Variants in ZC3H3 observed in about 807,000 individuals in gnomAD.
The protein encoded by ZC3H3 is zinc finger CCCH-type containing 3.
A neutral mutation model predicts 77.3 loss-of-function variants in ZC3H3; 36 were observed. The observed-to-expected ratio is 0.47, with a 90% CI of 0.36 to 0.61. ZC3H3 has a LOEUF of 0.61. Ranked by LOEUF, ZC3H3 falls within the 20% of genes least tolerant of loss-of-function variation. The pLI is 0.00. For missense variants in ZC3H3, 1,331 were observed against 1,312.2 expected (o/e 1.01, Z -0.22); for synonymous variants, 626 against 555.2 (o/e 1.13, Z -1.79).
chr8:143,516,408 C>T (rs188030773), intron 3 of ZC3H3, among the ~76,000 whole-genome samples: 16 of 152,206 alleles, frequency 1.1e-4, no homozygotes, highest in African/African-American at 3.1e-4. Flanking sequence ...GAGGCTGCTC[C>T]GCAGGGTGGA....
chr8:143,445,700 TA>T (rs377247894), intron 9 of ZC3H3, among the ~76,000 whole-genome samples: 23,988 of 142,114 alleles, frequency 0.17, 2,032 homozygotes, highest in South Asian at 0.3. Context: ...CTCTGTCTCT[TA>T]AAAAAAAAAA....
chr8:143,514,839 C>T (rs1244669415), intron 3 of ZC3H3, among the ~76,000 whole-genome samples: 1 of 152,196 alleles, frequency 6.6e-6, no homozygotes, highest in Non-Finnish European at 1.5e-5. Context: ...CGAGGCAGGA[C>T]AGGAAAGCCT....
intron 3 of ZC3H3, among the ~76,000 whole-genome samples, chr8:143,516,351 C>T (rs1177218963): frequency 6.6e-5 from 10 of 152,150 alleles, no homozygotes; most frequent in East Asian, 3.9e-4. Context: ...GCCACGGGGC[C>T]GCTGGGGCCC....
At position 143,538,525 on chromosome 8, in the gene ZC3H3, C is replaced by A. The variant is rs1235725912; in HGVS notation, c.842G>T (p.Gly281Val). The change falls in exon 2 of 12, where the codon GGC becomes GTC. Residue 281 changes from glycine to valine, a missense_variant. Gly to Val is a moderately radical substitution (Grantham distance 109). Coordinates refer to ENST00000262577, the MANE Select transcript of ZC3H3 (RefSeq NM_015117.3). Reference sequence around the variant, plus strand: ...GGGTCCTGAGGCCGGTCTGGCGGGGCCCCCCACTGAGCCAGACGGAACTGG... The same window carrying A: ...GGGTCCTGAGGCCGGTCTGGCGGGGACCCCCACTGAGCCAGACGGAACTGG... ...DQPVPSGSVG[G>V]PARPASGPRQ... The A allele has an allele frequency of 1.9e-6, 3 of 1,611,816 alleles. No individual in the cohort carries two copies. The highest frequency in any genetic ancestry group is 2.7e-5 in the African/African-American group (2 of 74,936).
At chr8:143,479,058 G>A (rs1174167910) in intron 4 of ZC3H3, among the ~76,000 whole-genome samples, 1 of 152,230 alleles carries the variant, frequency 6.6e-6, no homozygotes, top group Non-Finnish European at 1.5e-5. Context: ...AATGGGGCAG[G>A]GCGCTTCCTG....
intron 3 of ZC3H3, among the ~76,000 whole-genome samples, chr8:143,532,575 C>A (rs1243318560): frequency 6.6e-6 from 1 of 152,236 alleles, no homozygotes; most frequent in Non-Finnish European, 1.5e-5. Flanking sequence ...GGAACGAACA[C>A]CCCAGCCGAT....
In ZC3H3 at chr8:143,541,412, T is replaced by G; in HGVS notation, c.10A>C (p.Lys4Gln). 1 of 1,611,878 alleles carries G rather than the reference T, an allele frequency of 6.2e-7. No individual in the cohort carries two copies. The highest frequency in any genetic ancestry group is 1.1e-5 in the South Asian group (1 of 90,916). Residue 4 changes from lysine to glutamine, a missense_variant, in exon 1 of 12, where the codon AAG (lysine) becomes CAG (glutamine). Lys to Gln is a moderately conservative substitution (Grantham distance 53, BLOSUM62 1). Transcript: ENST00000262577. MEE[K>Q]EILRRQIRLL... ...CGGATCTGCCGCCGTAATATCTCCTTTTCCTCCATCTCCCGAGTCCGCGAC... is the reference window on the plus strand; with the variant it reads ...CGGATCTGCCGCCGTAATATCTCCTGTTCCTCCATCTCCCGAGTCCGCGAC...
At chr8:143,515,421 T>C (rs1267608365) in intron 3 of ZC3H3, among the ~76,000 whole-genome samples, 1 of 152,220 alleles carries the variant, frequency 6.6e-6, no homozygotes, top group African/African-American at 2.4e-5. Flanking sequence ...GACATCAGCT[T>C]CCGGCAGACG....
Position 143,538,506 on chromosome 8 carries a change from T to G in ZC3H3, c.861A>C (p.Ser287=). Residue 287 remains serine, a synonymous_variant, in exon 2 of 12, where the codon TCA becomes TCC. Coordinates refer to ENST00000262577, the MANE Select transcript of ZC3H3 (RefSeq NM_015117.3). The part of the protein sequence containing the change: ...GSVGGPARPA[S]GPRQAREASL... ...AGGCCTCCCGGGCCTGCCTGGGTCCTGAGGCCGGTCTGGCGGGGCCCCCCA... is the reference window on the plus strand; with the variant it reads ...AGGCCTCCCGGGCCTGCCTGGGTCCGGAGGCCGGTCTGGCGGGGCCCCCCA... 1 of 1,612,670 alleles carries G rather than the reference T, an allele frequency of 6.2e-7. No individual in the cohort carries two copies.
chr8:143,467,156 T>C (rs777221769), intron 8 of ZC3H3, among the ~76,000 whole-genome samples: 6 of 152,178 alleles, frequency 3.9e-5, no homozygotes, highest in Non-Finnish European at 7.3e-5. Flanking sequence ...GACAATTCCC[T>C]TAATGTGGTT....
intron 3 of ZC3H3, among the ~76,000 whole-genome samples, chr8:143,524,759 A>C (rs1037575099): frequency 2.0e-5 from 3 of 152,194 alleles, no homozygotes; most frequent in African/African-American, 4.8e-5. Context: ...CCCCGGGGGA[A>C]CAAGAGGAAT....
Position 143,538,939 on chromosome 8 carries a change from C to T in ZC3H3, c.428G>A (p.Arg143Gln), listed in dbSNP as rs1376966396. ...SGSASASGAQ[R>Q]GSLEEFEETP... ...TTCCTCAAATTCTTCCAAAGAGCCC[C>T]GCTGGGCCCCTGAGGCACTGGCAGA... The change falls in exon 2 of 12, where the codon CGG becomes CAG. Residue 143 changes from arginine to glutamine, a missense_variant. By Grantham distance (43) the Arg-to-Gln change is conservative. Coordinates refer to ENST00000262577, the MANE Select transcript of ZC3H3 (RefSeq NM_015117.3). 4 of 1,612,918 alleles carry T rather than the reference C, an allele frequency of 2.5e-6. No individual in the cohort carries two copies. Among genetic ancestry groups the T allele is most frequent in the Admixed American group, 1.7e-5 (1 of 60,012 alleles).
intron 9 of ZC3H3, 146 bp downstream of exon 9, chr8:143,465,571 A>C (rs894287042): frequency 1.6e-6 from 2 of 1,274,578 alleles, no homozygotes; most frequent in African/African-American, 3.0e-5. Flanking sequence ...GACCTCTCTG[A>C]GTCACCTGTG....
chr8:143,482,910 G>A (rs890823576), intron 4 of ZC3H3, among the ~76,000 whole-genome samples: 5 of 152,214 alleles, frequency 3.3e-5, no homozygotes, highest in East Asian at 1.9e-4. Flanking sequence ...AGCAGGTACC[G>A]GGCCACGGGG....
chr8:143,475,582 G>A lies in ZC3H3; in HGVS notation c.1719C>T (p.Ser573=). The A allele has an allele frequency of 6.3e-7, 1 of 1,593,136 alleles. No individual in the cohort carries two copies. The highest frequency in any genetic ancestry group is 1.1e-5 in the South Asian group (1 of 88,540). ...WRARRLSLSR[S]LVLNRLRPVA... is the part of the protein sequence containing the mutation. ...CTGGACGCAGGCGGTTCAGCACCAG[G>A]GACCTGCAGAGACAGGAAATGCCCG... Residue 573 remains serine (S), a synonymous_variant, in exon 5 of 12, where the codon TCC becomes TCT. Transcript: ENST00000262577.
chr8:143,478,495 G>A (rs1379149331), intron 4 of ZC3H3, among the ~76,000 whole-genome samples: 5 of 152,206 alleles, frequency 3.3e-5, no homozygotes, highest in East Asian at 3.9e-4. Context: ...CAGCAGCCAT[G>A]CCCCCGCTCC....
At chr8:143,461,611 G>A (rs1436411466) in intron 9 of ZC3H3, among the ~76,000 whole-genome samples, 1 of 152,114 alleles carries the variant, frequency 6.6e-6, no homozygotes, top group Non-Finnish European at 1.5e-5. Context: ...CACCCGAACG[G>A]ACAAAGAAAG....
rs184092764 is a variant in ZC3H3 at position 143,455,149 on chromosome 8, A to C, written c.2307+10568T>G. 5.9e-3 allele frequency among the ~76,000 whole-genome samples: 895 copies of C among 152,062 alleles called. 9 individuals carry two copies. The highest frequency in any genetic ancestry group is 0.018 in the African/African-American group (761 of 41,480). On this transcript the variant is annotated intron_variant, in intron 9 of 11. Transcript: ENST00000262577. ...GCCAACACAGTGAAACCCCATCTCT[A>C]CTAAAAATACAAACATTAGCTGGGT...
At chr8:143,517,252 G>A (rs1241154739) in intron 3 of ZC3H3, among the ~76,000 whole-genome samples, 1 of 152,186 alleles carries the variant, frequency 6.6e-6, no homozygotes, top group Non-Finnish European at 1.5e-5. Context: ...TGGAGAGTGG[G>A]GCTTCCTCCC....
Sources: allele counts gnomAD v4.1 joint callset (sites outside exome capture counted in the v4.1 genomes callset), GRCh38; gene constraint gnomAD v4.1.1; transcripts MANE v1.5; gene names NCBI Gene and HGNC (gene_info 2026-07-23, HGNC 2026-07-21).